ZFAND3: variants seen among roughly 807,000 people sequenced by gnomAD.
The protein encoded by ZFAND3 is AN1-type zinc finger protein 3.
In ZFAND3, 10 loss-of-function variants were observed where a neutral mutation model predicts 29.6. The observed-to-expected ratio is 0.34, with a 90% CI of 0.21 to 0.57. The LOEUF (loss-of-function observed/expected upper bound fraction) is 0.57, where lower values mean the gene tolerates loss of function less well. Ranked by LOEUF, ZFAND3 falls within the 20% of genes least tolerant of loss-of-function variation. The probability of loss-of-function intolerance (pLI) is 0.86; values close to 1 mark genes in which losing one functional copy is unlikely to be tolerated. For missense variants in ZFAND3, 230 were observed against 304.5 expected (o/e 0.76, Z 1.82); for synonymous variants, 128 against 112.6 (o/e 1.14, Z -0.87).
At chr6:38,000,136 G>A (rs1762919737) in intron 2 of ZFAND3, among the ~76,000 whole-genome samples, 1 of 151,984 alleles carries the variant, frequency 6.6e-6, no homozygotes, top group Non-Finnish European at 1.5e-5. Flanking sequence ...AAAAATAAAA[G>A]CAAATTCAGA....
At chr6:38,045,918 A>G (rs763626398) in intron 2 of ZFAND3, among the ~76,000 whole-genome samples, 9 of 152,200 alleles carry the variant, frequency 5.9e-5, no homozygotes, top group Non-Finnish European at 1.2e-4. Flanking sequence ...AAGCAGTTCA[A>G]AGATCATTGT....
chr6:38,033,919 T>G (rs920999484), intron 2 of ZFAND3, among the ~76,000 whole-genome samples: 3 of 152,204 alleles, frequency 2.0e-5, no homozygotes, highest in Non-Finnish European at 4.4e-5. Context: ...TAAAGCTTTG[T>G]TTAAAAGGGT....
intron 2 of ZFAND3, among the ~76,000 whole-genome samples, chr6:37,936,314 G>A (rs1228354955): frequency 6.6e-6 from 1 of 152,186 alleles, no homozygotes; most frequent in Admixed American, 6.5e-5. Flanking sequence ...GGAGAAGAGA[G>A]GAGTATGGTG....
intron 2 of ZFAND3, among the ~76,000 whole-genome samples, chr6:38,038,386 T>C (rs953656622): frequency 6.6e-6 from 1 of 152,208 alleles, no homozygotes; most frequent in African/African-American, 2.4e-5. Context: ...TGAAAAGGAT[T>C]CTGACCTTTT....
intron 2 of ZFAND3, among the ~76,000 whole-genome samples, chr6:38,006,383 T>TA (rs770329029): frequency 7.9e-5 from 12 of 152,304 alleles, no homozygotes; most frequent in African/African-American, 9.6e-5. Flanking sequence ...TTCTTTTTTA[T>TA]AAAAAAATGT....
intron 1 of ZFAND3, among the ~76,000 whole-genome samples, chr6:37,892,101 C>T (rs1193854121): frequency 6.6e-6 from 1 of 152,100 alleles, no homozygotes; most frequent in Non-Finnish European, 1.5e-5. Context: ...ATAACATAAA[C>T]CTCAATAAAT....
chr6:38,120,464 T>C (rs941973905), intron 5 of ZFAND3, among the ~76,000 whole-genome samples: 8 of 151,066 alleles, frequency 5.3e-5, no homozygotes, highest in African/African-American at 1.9e-4. Context: ...TAGCTGGGAC[T>C]ACAGGTGCAC....
At chr6:37,827,059 G>T (rs1340380929) in intron 1 of ZFAND3, among the ~76,000 whole-genome samples, 1 of 152,158 alleles carries the variant, frequency 6.6e-6, no homozygotes, top group Non-Finnish European at 1.5e-5. Flanking sequence ...GGGCTCTCTA[G>T]ATCCCTTTTT....
intron 1 of ZFAND3, among the ~76,000 whole-genome samples, chr6:37,820,659 G>C (rs1359824386): frequency 6.6e-6 from 1 of 152,158 alleles, no homozygotes; most frequent in Admixed American, 6.5e-5. Context: ...TTGTCAAAAA[G>C]GAAGAAAAAA....
intron 2 of ZFAND3, among the ~76,000 whole-genome samples, chr6:38,042,802 A>C (rs1308419981): frequency 6.6e-6 from 1 of 152,208 alleles, no homozygotes; most frequent in Non-Finnish European, 1.5e-5. Context: ...TAGATGGTTA[A>C]CAAAATAGAT....
At chr6:37,820,087 C>A in intron 1 of ZFAND3, 71 bp downstream of exon 1, 1 of 1,135,210 alleles carries the variant, frequency 8.8e-7, no homozygotes. Context: ...CCTGGGCAGG[C>A]CTCGGGGCCC....
chr6:37,970,496 G>A (rs1162726447), intron 2 of ZFAND3, among the ~76,000 whole-genome samples: 1 of 152,176 alleles, frequency 6.6e-6, no homozygotes, highest in South Asian at 2.1e-4. Flanking sequence ...GAATTACCTG[G>A]TGTCCTAGCA....
intron 1 of ZFAND3, among the ~76,000 whole-genome samples, chr6:37,839,045 C>T (rs1429479188): frequency 6.6e-6 from 1 of 152,114 alleles, no homozygotes; most frequent in Non-Finnish European, 1.5e-5. Context: ...ATTTGCATTT[C>T]CTTAATGACT....
intron 1 of ZFAND3, among the ~76,000 whole-genome samples, chr6:37,891,594 A>G (rs6907398): frequency 1.1e-5 from 1 of 94,264 alleles, no homozygotes; most frequent in Non-Finnish European, 2.0e-5. Context: ...ATAAATAAAT[A>G]ATAAATAAAT....
chr6:37,861,539 T>G (rs748289818), intron 1 of ZFAND3, among the ~76,000 whole-genome samples: 14 of 152,244 alleles, frequency 9.2e-5, no homozygotes, highest in Non-Finnish European at 2.1e-4. Flanking sequence ...TTACTTGATT[T>G]GATCCCAGCA....
At chr6:38,110,483 G>A (rs1765293696) in intron 4 of ZFAND3, among the ~76,000 whole-genome samples, 2 of 152,168 alleles carry the variant, frequency 1.3e-5, no homozygotes, top group Admixed American at 6.5e-5. Context: ...TTTTTCCAGT[G>A]AGAGTGTGGT....
intron 4 of ZFAND3, among the ~76,000 whole-genome samples, chr6:38,089,112 G>T (rs1159620037): frequency 6.6e-6 from 1 of 151,304 alleles, no homozygotes; most frequent in South Asian, 2.1e-4. Flanking sequence ...CCCTTTTCTT[G>T]ACTCACTTCT....
intron 1 of ZFAND3, among the ~76,000 whole-genome samples, chr6:37,911,590 G>C (rs1056119401): frequency 1.3e-5 from 2 of 152,276 alleles, no homozygotes; most frequent in Admixed American, 6.5e-5. Flanking sequence ...TCCTGACCAT[G>C]CTTGGCAGTA....
chr6:38,124,908 G>A (rs932009482), intron 5 of ZFAND3, among the ~76,000 whole-genome samples: 5 of 152,172 alleles, frequency 3.3e-5, no homozygotes, highest in Non-Finnish European at 5.9e-5. Context: ...AAAAGACCCC[G>A]GCCTTTAGGA....
Sources: gnomAD v4.1 joint callset for allele counts (sites outside exome capture counted in the v4.1 genomes callset) on GRCh38, gnomAD v4.1.1 for gene constraint, MANE v1.5 for transcripts, NCBI Gene and HGNC (gene_info 2026-07-23, HGNC 2026-07-21) for gene names.